TAOK3: variants seen among roughly 807,000 people sequenced by gnomAD.
TAOK3 encodes the protein serine/threonine-protein kinase TAO3.
A neutral mutation model predicts 120.4 loss-of-function variants in TAOK3; 40 were observed. That is an observed-to-expected ratio of 0.33 (90% CI 0.26 to 0.43). TAOK3 has a LOEUF of 0.43. Ranked by LOEUF, TAOK3 falls within the 20% of genes least tolerant of loss-of-function variation. The pLI is 1.00. For missense variants in TAOK3, 821 were observed against 1,112.1 expected (o/e 0.74, Z 3.72); for synonymous variants, 355 against 387.5 (o/e 0.92, Z 0.99).
chr12:118,170,782 G>T (rs925319914), intron 17 of TAOK3, among the ~76,000 whole-genome samples: 16 of 152,080 alleles, frequency 1.1e-4, no homozygotes, highest in Non-Finnish European at 2.2e-4. Context: ...ATGTTCAGCA[G>T]CTCACAGCTC....
At chr12:118,188,160 G>C (rs2037189405) in intron 14 of TAOK3, among the ~76,000 whole-genome samples, 1 of 152,174 alleles carries the variant, frequency 6.6e-6, no homozygotes, top group Non-Finnish European at 1.5e-5. Flanking sequence ...TAAAACCACT[G>C]ATGGTACTCG....
intron 13 of TAOK3, chr12:118,190,579 T>G (rs897265297): frequency 2.0e-5 from 3 of 152,230 alleles, no homozygotes; most frequent in African/African-American, 7.2e-5. Flanking sequence ...TTTTTTAGAT[T>G]TAAAGCGACA....
At chr12:118,306,289 T>A (rs2043050387) in intron 1 of TAOK3, among the ~76,000 whole-genome samples, 1 of 152,144 alleles carries the variant, frequency 6.6e-6, no homozygotes, top group Admixed American at 6.5e-5. Context: ...TCCCTCCATT[T>A]GGAGTTTTCT....
chr12:118,278,318 T>C (rs1044674980), intron 1 of TAOK3, among the ~76,000 whole-genome samples: 1 of 152,090 alleles, frequency 6.6e-6, no homozygotes, highest in Non-Finnish European at 1.5e-5. Flanking sequence ...AAGTAGGCCC[T>C]GGTGTCTGTG....
chr12:118,217,733 T>C (rs903871995), intron 9 of TAOK3, among the ~76,000 whole-genome samples: 1 of 148,086 alleles, frequency 6.8e-6, no homozygotes, highest in East Asian at 2.0e-4. Context: ...TCTCTCTCTA[T>C]ATATAGACAG....
At chr12:118,163,871 C>T (rs1042107373) in intron 17 of TAOK3, among the ~76,000 whole-genome samples, 2 of 152,078 alleles carry the variant, frequency 1.3e-5, no homozygotes, top group Admixed American at 6.5e-5. Flanking sequence ...GCCACCACGC[C>T]TGGCTAACTT....
chr12:118,316,241 T>C (rs1167671102), intron 1 of TAOK3, among the ~76,000 whole-genome samples: 1 of 152,204 alleles, frequency 6.6e-6, no homozygotes, highest in Non-Finnish European at 1.5e-5. Context: ...TTAATGTAAA[T>C]CTTACCTTTT....
intron 9 of TAOK3, among the ~76,000 whole-genome samples, chr12:118,215,523 A>C (rs1158996903): frequency 6.6e-6 from 1 of 151,676 alleles, no homozygotes; most frequent in Non-Finnish European, 1.5e-5. Context: ...AAAGAACAAC[A>C]ACAACAACAA....
chr12:118,361,490 C>G (rs1487334648), intron 1 of TAOK3, among the ~76,000 whole-genome samples: 1 of 150,110 alleles, frequency 6.7e-6, no homozygotes, highest in South Asian at 2.1e-4. Context: ...TGGAGTCTGA[C>G]TCTGTCACCC....
chr12:118,372,523 G>C lies in TAOK3; in HGVS notation c.-194+125C>G, dbSNP rs1811739959. 6.5e-6 allele frequency: 1 copy of C among 153,348 alleles called. No homozygotes were observed. The highest frequency in any genetic ancestry group is 2.4e-5 in the African/African-American group (1 of 41,090). The allele number at this position is 153,348 out of a possible 1,614,324, so 9.5% of individuals were successfully genotyped here. A position where few individuals can be genotyped will look rare whatever the true frequency, so the allele number is the denominator to read the frequency against. On this transcript the variant is annotated intron_variant, in intron 1 of 20. Coordinates refer to ENST00000392533, the MANE Select transcript of TAOK3 (RefSeq NM_016281.4). The surrounding 1 kb of genome is among the most constrained non-coding windows in gnomAD (Gnocchi z 4.6). Reference sequence around the variant, plus strand: ...TCCCCTCTCCTCACCCGCTGTCCCGGTCCCTCCCGGGGTCTCCTCTCCACA... The same window carrying C: ...TCCCCTCTCCTCACCCGCTGTCCCGCTCCCTCCCGGGGTCTCCTCTCCACA...
rs537436130 is a variant in TAOK3 at position 118,357,531 on chromosome 12, C to T, written c.-194+15117G>A. 9.2e-5 allele frequency among the ~76,000 whole-genome samples: 14 copies of T among 152,304 alleles called. No individual in the cohort carries two copies. The East Asian group carries it at 2.7e-3, about 29-fold the overall frequency. On this transcript the variant is annotated intron_variant, in intron 1 of 20. Transcript: ENST00000392533. ...AATTCAGGAGTTTAAAACTTGTCAT[C>T]TATGTATAAAACAAGCAAACAGTTA...
intron 11 of TAOK3, among the ~76,000 whole-genome samples, chr12:118,202,432 G>A (rs1232410638): frequency 1.3e-5 from 2 of 152,042 alleles, no homozygotes; most frequent in African/African-American, 2.4e-5. Context: ...GGGTTTTGGA[G>A]GAACCTCCAT....
intron 9 of TAOK3, among the ~76,000 whole-genome samples, chr12:118,227,091 G>T (rs1033678285): frequency 7.9e-5 from 12 of 151,774 alleles, no homozygotes; most frequent in South Asian, 2.1e-4. Flanking sequence ...AAAAAACTTG[G>T]TAAGAAAAAA....
chr12:118,306,689 GTAAC>G (rs1203501206), intron 1 of TAOK3, among the ~76,000 whole-genome samples: 1 of 152,114 alleles, frequency 6.6e-6, no homozygotes, highest in African/African-American at 2.4e-5. Flanking sequence ...GATACTTAGA[GTAAC>G]TAAGCCACAA....
intron 16 of TAOK3, among the ~76,000 whole-genome samples, chr12:118,174,727 A>G (rs2036215890): frequency 6.6e-6 from 1 of 151,130 alleles, no homozygotes; most frequent in African/African-American, 2.4e-5. Flanking sequence ...CAGTGGTGTG[A>G]TCTCGGCTTA....
chr12:118,217,797 ATG>A (rs1173463113), intron 9 of TAOK3, among the ~76,000 whole-genome samples: 2,318 of 65,238 alleles, frequency 0.036, 108 homozygotes, highest in African/African-American at 0.11. Flanking sequence ...GTATGTATGT[ATG>A]TGTGTGTGTG....
chr12:118,360,807 G>A (rs576270274), intron 1 of TAOK3, among the ~76,000 whole-genome samples: 1 of 152,286 alleles, frequency 6.6e-6, no homozygotes, highest in Non-Finnish European at 1.5e-5. Flanking sequence ...TGTAGTTAGT[G>A]TAGTTACTAA....
chr12:118,316,325 A>G (rs934180053), intron 1 of TAOK3, among the ~76,000 whole-genome samples: 5 of 152,192 alleles, frequency 3.3e-5, no homozygotes, highest in African/African-American at 7.2e-5. Context: ...ATACTGTCCT[A>G]CTGAAAGAGC....
intron 1 of TAOK3, among the ~76,000 whole-genome samples, chr12:118,298,376 C>T (rs1279859616): frequency 6.6e-6 from 1 of 152,126 alleles, no homozygotes; most frequent in Non-Finnish European, 1.5e-5. Context: ...TGCTGGTCCA[C>T]GGACTATACT....
Sources: allele counts gnomAD v4.1 joint callset (sites outside exome capture counted in the v4.1 genomes callset), GRCh38; gene constraint gnomAD v4.1.1; non-coding constraint Gnocchi (gnomAD v3.1); transcripts MANE v1.5; gene names NCBI Gene and HGNC (gene_info 2026-07-23, HGNC 2026-07-21).